Variants in LAMP2 observed in about 807,000 individuals in gnomAD.
LAMP2 encodes the protein lysosome-associated membrane glycoprotein 2.
Under a neutral mutation model 25.6 loss-of-function variants are expected in LAMP2, and 4 were observed. That is an observed-to-expected ratio of 0.16 (90% CI 0.08 to 0.36). LAMP2 has a LOEUF of 0.36. LAMP2 is among the 10% of genes least tolerant of loss of function. The pLI, the probability that LAMP2 is intolerant of heterozygous loss-of-function variation, is 1.00. For missense variants in LAMP2, 272 were observed against 301.4 expected (o/e 0.90, Z 0.72); for synonymous variants, 108 against 112.7 (o/e 0.96, Z 0.27).
upstream of LAMP2, chrX:120,469,320 G>C: frequency 3.8e-6 from 2 of 528,702 alleles, no homozygotes; most frequent in Non-Finnish European, 3.2e-6. Flanking sequence ...TTCAGTGCGA[G>C]TCATAAGACT....
chrX:120,469,269 T>C lies in LAMP2; in HGVS notation c.-100A>G, dbSNP rs188688129. On this transcript the variant is annotated 5_prime_UTR_variant, in exon 1 of 9. Transcript: ENST00000200639. ...GCTGGACCTGGGTCAAGAGCACTGA[T>C]GACCACCGACCACAGCCTTGCAAAA... The C allele has an allele frequency of 1.5e-5, 13 of 846,744 alleles. No individual in the cohort carries two copies. Among genetic ancestry groups the C allele is most frequent in the African/African-American group, 8.0e-5 (4 of 50,183 alleles). The allele number at this position is 846,744 out of a possible 1,213,427, so 69.8% of individuals were successfully genotyped here. A position where few individuals can be genotyped will look rare whatever the true frequency, so the allele number is the denominator to read the frequency against.
intron 8 of LAMP2, chrX:120,438,947 T>G: frequency 9.8e-7 from 1 of 1,018,359 alleles, no homozygotes; most frequent in East Asian, 3.8e-5. Context: ...GCTGTAAAAA[T>G]AACAGTTTTA....
chrX:120,468,212 A>C (rs1369107867), intron 1 of LAMP2, among the ~76,000 whole-genome samples: 1 of 111,543 alleles, frequency 9.0e-6, no homozygotes, highest in Non-Finnish European at 1.9e-5. Context: ...GAGGTAGTCT[A>C]CCAAACTCAA....
At chrX:120,459,962 G>C (rs1280418769) in intron 1 of LAMP2, among the ~76,000 whole-genome samples, 2 of 112,110 alleles carry the variant, frequency 1.8e-5, no homozygotes, top group Admixed American at 1.9e-4. Flanking sequence ...TGAAAATAAA[G>C]CTAGAGAAAA....
Position 120,442,593 on chromosome X carries a change from G to A in LAMP2, c.928+6C>T, listed in dbSNP as rs769837038. On this transcript the variant is annotated splice_donor_region_variant and intron_variant, in intron 7 of 8. Coordinates refer to ENST00000200639, the MANE Select transcript of LAMP2 (RefSeq NM_002294.3). The stretch of plus-strand genomic sequence containing the variant: ...GTCTTTTTCCCCAGGCCAGTGCTTT[G>A]CTTACCGGAGCCATTAACCAAATAC... 17 of 1,196,456 alleles carry A rather than the reference G, an allele frequency of 1.4e-5. No individual in the cohort carries two copies. In the Admixed American group the frequency reaches 3.7e-4, roughly 26 times the overall value.
rs774576256 is a variant in LAMP2, at chrX:120,426,500, A to G, written c.*4823T>C. Among the ~76,000 whole-genome samples, 1 of 110,772 alleles carries G rather than the reference A, an allele frequency of 9.0e-6. No individual in the cohort carries two copies. The highest frequency in any genetic ancestry group is 1.9e-5 in the Non-Finnish European group (1 of 52,884). ...TTTTAACCCTCTGTTAATATTCTCT[A>G]TTTTAATTCTCAAAGAATTAAACAC... On this transcript the variant is annotated 3_prime_UTR_variant, in exon 9 of 9. Transcript: ENST00000200639.
chrX:120,460,135 T>C (rs1254721928), intron 1 of LAMP2, among the ~76,000 whole-genome samples: 1 of 110,232 alleles, frequency 9.1e-6, no homozygotes, highest in Non-Finnish European at 1.9e-5. Flanking sequence ...TTGCTGGGCT[T>C]GGTGGTGGTC....
At chrX:120,443,528 G>A (rs985782427) in intron 6 of LAMP2, among the ~76,000 whole-genome samples, 5 of 111,425 alleles carry the variant, frequency 4.5e-5, no homozygotes, top group African/African-American at 9.8e-5. Context: ...GTATGGCTGC[G>A]GAGTCTATGT....
At chrX:120,451,729 G>C (rs1037262112) in intron 3 of LAMP2, among the ~76,000 whole-genome samples, 4 of 111,468 alleles carry the variant, frequency 3.6e-5, no homozygotes, top group Admixed American at 9.6e-5. Flanking sequence ...GCCTCCCAAA[G>C]TGCTGGGATT....
At chrX:120,433,689 G>A (rs1439928423) in intron 8 of LAMP2, among the ~76,000 whole-genome samples, 1 of 111,847 alleles carries the variant, frequency 8.9e-6, no homozygotes, top group African/African-American at 3.2e-5. Flanking sequence ...ACACTTGCAG[G>A]AAAGAAGTTA....
chrX:120,431,083 C>T lies in LAMP2; in HGVS notation c.*240G>A. On this transcript the variant is annotated 3_prime_UTR_variant, in exon 9 of 9. Transcript: ENST00000200639. The stretch of plus-strand genomic sequence containing the variant: ...TCTTAAGATAGACCTTAAAACATTG[C>T]ACGTTGATGTTCTTTTGAACAAGTT... 1 of 989,969 alleles carries T rather than the reference C, an allele frequency of 1.0e-6. No homozygotes were observed. Among genetic ancestry groups the T allele is most frequent in the South Asian group, 2.6e-5 (1 of 38,664 alleles). The allele number at this position is 989,969 out of a possible 1,213,427, so 81.6% of individuals were successfully genotyped here.
At chrX:120,451,003 C>T (rs907384690) in intron 3 of LAMP2, among the ~76,000 whole-genome samples, 1 of 110,092 alleles carries the variant, frequency 9.1e-6, no homozygotes, top group African/African-American at 3.3e-5. Context: ...TATGAGCTCA[C>T]TGCAACCTCC....
In LAMP2 at chrX:120,431,321, T is replaced by C; in HGVS notation, c.*2A>G. The stretch of plus-strand genomic sequence containing the variant: ...TTTATATAATCAATCAGGTTGCAGA[T>C]TCTAAAATTGCTCATATCCAGCATG... On this transcript the variant is annotated 3_prime_UTR_variant, in exon 9 of 9. Transcript: ENST00000200639. 1 of 1,210,672 alleles carries C rather than the reference T, an allele frequency of 8.3e-7. No homozygotes were observed. The highest frequency in any genetic ancestry group is 1.1e-6 in the Non-Finnish European group (1 of 894,440).
chrX:120,466,118 A>G (rs938171845), intron 1 of LAMP2, among the ~76,000 whole-genome samples: 2 of 112,369 alleles, frequency 1.8e-5, no homozygotes, highest in East Asian at 5.5e-4. Context: ...AAATTTTCCA[A>G]GAGGAAGAAT....
chrX:120,456,787 A>C lies in LAMP2; in HGVS notation c.65-18T>G, dbSNP rs772024440. ...CACAGCTCCTGGATTCATTTAAAAAAATAATATTTTAAAATTGTACTACAA... is the reference window on the plus strand; with the variant it reads ...CACAGCTCCTGGATTCATTTAAAAACATAATATTTTAAAATTGTACTACAA... On this transcript the variant is annotated intron_variant, in intron 1 of 8. Transcript: ENST00000200639. 9.7e-6 allele frequency: 9 copies of C among 928,659 alleles called. No homozygotes were observed. The highest frequency in any genetic ancestry group is 1.4e-5 in the Non-Finnish European group (9 of 656,824). 76.5% of individuals were successfully genotyped at this position (928,659 alleles called of 1,213,427 possible).
At position 120,430,756 on chromosome X, in the gene LAMP2, T is replaced by C. The variant is rs1264020326; in HGVS notation, c.*567A>G. On this transcript the variant is annotated 3_prime_UTR_variant, in exon 9 of 9. Transcript: ENST00000200639. ...TTGAACTCAGAGAAATCAGCAAAAG[T>C]CACATAACCTTTAAAATGCTGATGG... 24 of 752,872 alleles carry C rather than the reference T, an allele frequency of 3.2e-5. No homozygotes were observed. The highest frequency in any genetic ancestry group is 3.3e-5 in the Non-Finnish European group (21 of 638,995). 62.0% of individuals were successfully genotyped at this position (752,872 alleles called of 1,213,427 possible). A position where few individuals can be genotyped will look rare whatever the true frequency, so the allele number is the denominator to read the frequency against.
rs1321639564 is a variant in LAMP2 at position 120,455,488 on chromosome X, G to C, written c.266C>G (p.Ala89Gly). ...GGAAAAGCCAGGTCCGAACTGCACT[G>C]CTATTTTGGGACCATTCTGATCATC... Reference protein sequence around the residue: ...CGDDQNGPKIAVQFGPGFSWI... With the variant: ...CGDDQNGPKIGVQFGPGFSWI... The change falls in exon 3 of 9, where the codon GCA becomes GGA. Residue 89 changes from alanine to glycine, a missense_variant. Physicochemically the swap from Ala to Gly is moderately conservative, Grantham distance 60. Coordinates refer to ENST00000200639, the MANE Select transcript of LAMP2 (RefSeq NM_002294.3). 8.3e-7 allele frequency: 1 copy of C among 1,209,734 alleles called. No homozygotes were observed. The highest frequency in any genetic ancestry group is 3.0e-5 in the East Asian group (1 of 33,824).
intron 8 of LAMP2, among the ~76,000 whole-genome samples, chrX:120,432,487 C>G (rs1602527278): frequency 9.0e-6 from 1 of 111,054 alleles, no homozygotes; most frequent in East Asian, 2.8e-4. Flanking sequence ...TAGGACATAT[C>G]TTTATCACTA....
intron 7 of LAMP2, 127 bp from the exon 8 acceptor site, chrX:120,442,021 G>C: frequency 1.8e-6 from 1 of 559,800 alleles, no homozygotes. Context: ...GGCAGATCAC[G>C]TGAGCCCAGG....
Sources: allele counts gnomAD v4.1 joint callset (sites outside exome capture counted in the v4.1 genomes callset), GRCh38; gene constraint gnomAD v4.1.1; transcripts MANE v1.5; gene names NCBI Gene and HGNC (gene_info 2026-07-23, HGNC 2026-07-21).